Variants in PDK3 observed in about 807,000 individuals in gnomAD.
PDK3 encodes the protein pyruvate dehydrogenase kinase 3, also known as pyruvate dehydrogenase kinase, isozyme 3.
Under a neutral mutation model 32.0 loss-of-function variants are expected in PDK3, and 12 were observed. That is an observed-to-expected ratio of 0.37 (90% CI 0.24 to 0.61). The LOEUF (loss-of-function observed/expected upper bound fraction) is 0.61, where lower values mean the gene tolerates loss of function less well. Among genes scored for constraint, PDK3 ranks in the 20% least tolerant of loss-of-function variants. PDK3 has a pLI of 0.65. For synonymous variants in PDK3, 122 were observed against 116.3 expected (o/e 1.05, Z -0.31); for missense variants, 188 against 316.9 (o/e 0.59, Z 3.09).
At chrX:24,537,892 G>A (rs2148205825), downstream of PDK3, among the ~76,000 whole-genome samples, 1 of 112,287 alleles carries the variant, frequency 8.9e-6, no homozygotes, top group East Asian at 2.8e-4. Flanking sequence ...AGTTTGGTTT[G>A]TGGAAACAAA....
At chrX:24,536,709 C>CT (rs35733121), downstream of PDK3, among the ~76,000 whole-genome samples, 80 of 106,989 alleles carry the variant, frequency 7.5e-4, no homozygotes, top group African/African-American at 2.5e-3. Context: ...AAGTTTACAG[C>CT]TTTTTTTTTT....
intron 1 of PDK3, among the ~76,000 whole-genome samples, chrX:24,483,145 C>T (rs903390415): frequency 8.9e-6 from 1 of 112,566 alleles, no homozygotes; most frequent in Non-Finnish European, 1.9e-5. Flanking sequence ...TTCCAAGAAA[C>T]ATAGCACTTT....
chrX:24,472,038 G>C lies in PDK3; in HGVS notation c.106+6477G>C, dbSNP rs145072671. ...TTAACCTATTTATACTTACTGGTAT[G>C]ATAGATCTGTCATCTGTAATGATAA... is the stretch of plus-strand genomic sequence containing the variant. On this transcript the variant is annotated intron_variant, in intron 1 of 10. Coordinates refer to ENST00000379162, the MANE Select transcript of PDK3 (RefSeq NM_005391.5). Among the ~76,000 whole-genome samples the C allele has an allele frequency of 2.4e-4, 27 of 112,172 alleles. No homozygotes were observed. In the East Asian group the frequency reaches 7.5e-3, roughly 31 times the overall value.
At chrX:24,531,845 AG>A (rs1362335375) in intron 10 of PDK3, 75 bp downstream of exon 10, 4 of 500,878 alleles carry the variant, frequency 8.0e-6, no homozygotes, top group Non-Finnish European at 1.4e-5. Context: ...GATTGAGAAC[AG>A]CACTGTATCA....
At chrX:24,512,790 A>G (rs927574933) in intron 5 of PDK3, among the ~76,000 whole-genome samples, 59 of 110,810 alleles carry the variant, frequency 5.3e-4, no homozygotes, top group Non-Finnish European at 3.2e-4. Context: ...GAATTAGGAA[A>G]CAGAAAACAA....
intron 5 of PDK3, among the ~76,000 whole-genome samples, chrX:24,518,640 C>T (rs1366466565): frequency 2.7e-5 from 3 of 112,071 alleles, no homozygotes; most frequent in Non-Finnish European, 5.6e-5. Context: ...GCTATGATCA[C>T]ACCACTGTAC....
chrX:24,496,322 T>C (rs866669327), intron 2 of PDK3, among the ~76,000 whole-genome samples: 1 of 78,846 alleles, frequency 1.3e-5, no homozygotes, highest in Non-Finnish European at 2.5e-5. Context: ...CACACACACG[T>C]GCGTGCACAC....
intron 6 of PDK3, among the ~76,000 whole-genome samples, chrX:24,525,610 T>C (rs181555386): frequency 6.5e-4 from 73 of 111,907 alleles, no homozygotes; most frequent in Admixed American, 1.8e-3. Flanking sequence ...TTTTGGTGTT[T>C]CTCAGATTGT....
At position 24,467,495 on chromosome X, in the gene PDK3, C is replaced by T. The variant is rs968361509; in HGVS notation, c.106+1934C>T. 1.5e-4 allele frequency among the ~76,000 whole-genome samples: 17 copies of T among 112,087 alleles called. No individual in the cohort carries two copies. In the East Asian group the frequency reaches 1.9e-3, roughly 13 times the overall value. On this transcript the variant is annotated intron_variant, in intron 1 of 10. Coordinates refer to ENST00000379162, the MANE Select transcript of PDK3 (RefSeq NM_005391.5). ...ATTTAAGGTTTTCCTTATAAGGAAG[C>T]GCACAGAAGTGCTAGATATAGTTGT... is the stretch of plus-strand genomic sequence containing the variant.
At position 24,486,794 on chromosome X, in the gene PDK3, A is replaced by C. The variant is rs7060702; in HGVS notation, c.107-7948A>C. 0.46 allele frequency among the ~76,000 whole-genome samples: 50,447 copies of C among 109,736 alleles called. 9,533 individuals are homozygous for C. Among genetic ancestry groups the C allele is most frequent in the African/African-American group, 0.73 (21,953 of 30,106 alleles). On this transcript the variant is annotated intron_variant, in intron 1 of 10. Coordinates refer to ENST00000379162, the MANE Select transcript of PDK3 (RefSeq NM_005391.5). ...TATAGTCACGCACCACCATGCCCAG[A>C]TGATTTTTTATTTTTTTGTGGAGAC...
chrX:24,542,979 T>C (rs1306979541), exon 12 of PDK3, among the ~76,000 whole-genome samples: 1 of 112,399 alleles, frequency 8.9e-6, no homozygotes. Flanking sequence ...TGCTACTTTA[T>C]GGTTGTCCAT....
At chrX:24,474,633 C>T (rs1456922847) in intron 1 of PDK3, among the ~76,000 whole-genome samples, 1 of 109,634 alleles carries the variant, frequency 9.1e-6, no homozygotes, top group African/African-American at 3.3e-5. Context: ...AGGCTGGTCT[C>T]GAACTCCTGA....
At chrX:24,487,736 C>A (rs1921439310) in intron 1 of PDK3, among the ~76,000 whole-genome samples, 1 of 109,154 alleles carries the variant, frequency 9.2e-6, no homozygotes, top group Non-Finnish European at 1.9e-5. Context: ...CTCATTATTG[C>A]CACTCCCAAA....
intron 2 of PDK3, among the ~76,000 whole-genome samples, chrX:24,498,336 G>A (rs1921767727): frequency 1.8e-5 from 2 of 111,415 alleles, no homozygotes; most frequent in Admixed American, 9.6e-5. Flanking sequence ...TGAAGCTATC[G>A]AGGCCCTGCT....
chrX:24,500,476 C>T (rs1233279703), intron 3 of PDK3, among the ~76,000 whole-genome samples: 3 of 112,017 alleles, frequency 2.7e-5, no homozygotes, highest in African/African-American at 9.7e-5. Context: ...CCCGGAGTCC[C>T]GTCTCAGTTT....
At chrX:24,537,446 A>G (rs1267370204), downstream of PDK3, among the ~76,000 whole-genome samples, 1 of 109,270 alleles carries the variant, frequency 9.2e-6, no homozygotes, top group African/African-American at 3.3e-5. Context: ...TTTCTTTTTA[A>G]TCAGTATTAG....
At chrX:24,516,124 C>A (rs1163958512) in intron 5 of PDK3, among the ~76,000 whole-genome samples, 1 of 111,644 alleles carries the variant, frequency 9.0e-6, no homozygotes, top group Non-Finnish European at 1.9e-5. Flanking sequence ...TTAATAATGT[C>A]AATTTTTAAC....
chrX:24,489,796 G>A lies in PDK3; in HGVS notation c.107-4946G>A, dbSNP rs7876157. Among the ~76,000 whole-genome samples the A allele has an allele frequency of 6.1e-3, 683 of 111,294 alleles. 10 individuals carry two copies. Among genetic ancestry groups the A allele is most frequent in the African/African-American group, 0.021 (649 of 30,611 alleles). On this transcript the variant is annotated intron_variant, in intron 1 of 10. Coordinates refer to ENST00000379162, the MANE Select transcript of PDK3 (RefSeq NM_005391.5). ...AAAAATCATTGAGAAGCTACCATAGGCGAGGCACTATAATATGTGCTATGG... is the reference window on the plus strand; with the variant it reads ...AAAAATCATTGAGAAGCTACCATAGACGAGGCACTATAATATGTGCTATGG...
At chrX:24,466,260 A>G (rs1008353475) in intron 1 of PDK3, among the ~76,000 whole-genome samples, 4 of 112,024 alleles carry the variant, frequency 3.6e-5, no homozygotes, top group Non-Finnish European at 5.6e-5. Flanking sequence ...TCACGGATTG[A>G]GGTGGGACCA....
Sources: gnomAD v4.1 joint callset for allele counts (sites outside exome capture counted in the v4.1 genomes callset) on GRCh38, gnomAD v4.1.1 for gene constraint, MANE v1.5 for transcripts, NCBI Gene and HGNC (gene_info 2026-07-23, HGNC 2026-07-21) for gene names.